Variants in CCDC73 observed in about 807,000 individuals in gnomAD.
CCDC73 encodes coiled-coil domain-containing protein 73.
A neutral mutation model predicts 116.5 loss-of-function variants in CCDC73; 95 were observed. That is an observed-to-expected ratio of 0.82 (90% CI 0.69 to 0.97). The LOEUF is 0.97. Ranked by LOEUF, CCDC73 falls within the 50% of genes least tolerant of loss-of-function variation. The probability of loss-of-function intolerance (pLI) is 0.00; values close to 1 mark genes in which losing one functional copy is unlikely to be tolerated. For missense variants in CCDC73, 1,066 were observed against 1,206.8 expected, an observed-to-expected ratio of 0.88 and a Z score of 1.73; for synonymous variants, 398 against 401.3, an observed-to-expected ratio of 0.99 and a Z score of 0.10.
intron 14 of CCDC73, among the ~76,000 whole-genome samples, chr11:32,624,116 A>G (rs1410487528): frequency 6.6e-6 from 1 of 151,844 alleles, no homozygotes; most frequent in Non-Finnish European, 1.5e-5. Context: ...GGCAGATCAC[A>G]AGGTCAGGAG....
At chr11:32,657,213 C>G (rs1190087769) in intron 9 of CCDC73, among the ~76,000 whole-genome samples, 3 of 152,124 alleles carry the variant, frequency 2.0e-5, no homozygotes, top group Admixed American at 1.3e-4. Flanking sequence ...CTTTAGCCAC[C>G]CAGGGAAAAA....
At chr11:32,685,266 C>CAAAAAAAAA (rs35408326) in intron 6 of CCDC73, among the ~76,000 whole-genome samples, 3 of 93,472 alleles carry the variant, frequency 3.2e-5, no homozygotes, top group Admixed American at 1.3e-4. Flanking sequence ...AACACTGGAC[C>CAAAAAAAAA]AAAAAAAAAA....
chr11:32,678,357 T>C (rs912962458), intron 7 of CCDC73, among the ~76,000 whole-genome samples: 1 of 152,190 alleles, frequency 6.6e-6, no homozygotes, highest in Non-Finnish European at 1.5e-5. Context: ...TATGTTTACA[T>C]CTTGTTTCTG....
chr11:32,764,371 G>A (rs938183390), intron 1 of CCDC73, among the ~76,000 whole-genome samples: 17 of 152,078 alleles, frequency 1.1e-4, no homozygotes, highest in Admixed American at 7.9e-4. Context: ...GTAAAACGTC[G>A]GGTTACCCAC....
At chr11:32,673,697 C>A (rs1462074122) in intron 9 of CCDC73, among the ~76,000 whole-genome samples, 1 of 152,062 alleles carries the variant, frequency 6.6e-6, no homozygotes, top group East Asian at 1.9e-4. Context: ...AATGTTTTAC[C>A]CTAAACAAGT....
intron 9 of CCDC73, among the ~76,000 whole-genome samples, chr11:32,671,334 G>A (rs1037477822): frequency 2.0e-5 from 3 of 148,754 alleles, no homozygotes; most frequent in Non-Finnish European, 4.4e-5. Flanking sequence ...GGTGAACTCA[G>A]CATTCAGAAT....
rs118074773 is a variant in CCDC73, at chr11:32,635,220, T to C, written c.1185+476A>G. 9.5e-3 allele frequency among the ~76,000 whole-genome samples: 1,448 copies of C among 152,250 alleles called. 15 individuals carry two copies. Among genetic ancestry groups the C allele is most frequent in the Middle Eastern group, 0.037 (11 of 294 alleles). On this transcript the variant is annotated intron_variant, in intron 14 of 17. Coordinates refer to ENST00000335185, the MANE Select transcript of CCDC73 (RefSeq NM_001008391.4). Reference sequence around the variant, plus strand: ...AAAACAGAAATTGAGACATTGATTCTAAAAGTGATAAGAAAATATAGGACT... The same window carrying C: ...AAAACAGAAATTGAGACATTGATTCCAAAAGTGATAAGAAAATATAGGACT...
intron 12 of CCDC73, among the ~76,000 whole-genome samples, chr11:32,645,487 C>CAAA (rs1855770525): frequency 6.6e-6 from 1 of 151,914 alleles, no homozygotes; most frequent in Non-Finnish European, 1.5e-5. Context: ...GACGGGGTTT[C>CAAA]ACCATGTTGG....
chr11:32,727,805 C>T (rs766576178), intron 2 of CCDC73, among the ~76,000 whole-genome samples: 1 of 151,986 alleles, frequency 6.6e-6, no homozygotes, highest in Non-Finnish European at 1.5e-5. Flanking sequence ...CTCCTGATGT[C>T]GTGATTCACC....
At chr11:32,674,116 T>A (rs1364202525) in intron 9 of CCDC73, among the ~76,000 whole-genome samples, 2 of 152,168 alleles carry the variant, frequency 1.3e-5, no homozygotes, top group African/African-American at 4.8e-5. Flanking sequence ...CCCATATACA[T>A]AAGCCTTCAA....
intron 1 of CCDC73, among the ~76,000 whole-genome samples, chr11:32,779,486 G>A (rs1416800794): frequency 6.6e-6 from 1 of 152,170 alleles, no homozygotes; most frequent in Non-Finnish European, 1.5e-5. Context: ...GTTTGCCTAT[G>A]CTACCTCAAT....
chr11:32,766,776 C>A (rs974221676), intron 1 of CCDC73, among the ~76,000 whole-genome samples: 114 of 152,216 alleles, frequency 7.5e-4, no homozygotes, highest in African/African-American at 2.7e-3. Context: ...ACATGAAGGA[C>A]CTCTTCAAGG....
chr11:32,741,458 T>C (rs1850185338), intron 2 of CCDC73, among the ~76,000 whole-genome samples: 1 of 152,062 alleles, frequency 6.6e-6, no homozygotes, highest in African/African-American at 2.4e-5. Context: ...TTCTTTGTTT[T>C]CTCAAAACAA....
intron 2 of CCDC73, among the ~76,000 whole-genome samples, chr11:32,719,341 T>C (rs574969693): frequency 6.6e-6 from 1 of 152,144 alleles, no homozygotes; most frequent in Non-Finnish European, 1.5e-5. Context: ...ATCTAGGAGA[T>C]TTTTTGTTTC....
rs1250732805 is a variant in CCDC73, at chr11:32,777,005, A to G, written c.-15-16747T>C. 6.5e-4 allele frequency among the ~76,000 whole-genome samples: 92 copies of G among 142,036 alleles called. 2 individuals carry two copies. The highest frequency in any genetic ancestry group is 1.2e-3 in the Admixed American group (17 of 14,240). 93.2% of individuals were successfully genotyped at this position (142,036 alleles called of 152,430 possible). On this transcript the variant is annotated intron_variant, in intron 1 of 17. Transcript: ENST00000335185. ...TATACACATGTATATATATATATAT[A>G]TATATATATATATATATAATTGAAC...
intron 1 of CCDC73, among the ~76,000 whole-genome samples, chr11:32,767,692 A>T (rs1850455479): frequency 6.6e-6 from 1 of 152,248 alleles, no homozygotes; most frequent in South Asian, 2.1e-4. Context: ...AAAAGAAGAC[A>T]TTTATGCAGC....
In CCDC73 at chr11:32,733,475, A is replaced by G. The variant is rs1850098126; in HGVS notation, c.136-15328T>C. Reference sequence around the variant, plus strand: ...AATCGACATAATATACATTCTTCTCAGCACCACATCACACTTATTCCAAAA... The same window carrying G: ...AATCGACATAATATACATTCTTCTCGGCACCACATCACACTTATTCCAAAA... On this transcript the variant is annotated intron_variant, in intron 2 of 17. Transcript: ENST00000335185. 2.0e-5 allele frequency among the ~76,000 whole-genome samples: 3 copies of G among 152,230 alleles called. No individual in the cohort carries two copies. In the South Asian group the frequency reaches 6.2e-4, roughly 32 times the overall value.
the CCDC73 span, chr11:32,830,257 C>T: frequency 1.9e-6 from 2 of 1,034,172 alleles, no homozygotes; most frequent in Non-Finnish European, 2.5e-6. Context: ...GATTCGAACA[C>T]ATAGCGAGGG....
At chr11:32,721,074 G>C (rs1849985724) in intron 2 of CCDC73, among the ~76,000 whole-genome samples, 1 of 152,214 alleles carries the variant, frequency 6.6e-6, no homozygotes, top group African/African-American at 2.4e-5. Context: ...ATCCAGCCTG[G>C]AGTGCAGTGG....
Sources: gnomAD v4.1 joint callset for allele counts (sites outside exome capture counted in the v4.1 genomes callset) on GRCh38, gnomAD v4.1.1 for gene constraint, MANE v1.5 for transcripts, NCBI Gene and HGNC (gene_info 2026-07-23, HGNC 2026-07-21) for gene names.